Variants in NDST2 observed in about 807,000 individuals in gnomAD.
NDST2 encodes the protein N-deacetylase and N-sulfotransferase 2.
In NDST2, 32 loss-of-function variants were observed where a neutral mutation model predicts 86.9. The observed-to-expected ratio is 0.37, with a 90% CI of 0.28 to 0.49. The LOEUF is 0.49. Ranked by LOEUF, NDST2 falls within the 20% of genes least tolerant of loss-of-function variation. The pLI is 0.97. For synonymous variants in NDST2, 409 were observed against 437.0 expected, an observed-to-expected ratio of 0.94 and a Z score of 0.80; for missense variants, 950 against 1,146.9, an observed-to-expected ratio of 0.83 and a Z score of 2.48.
At chr10:73,805,541 AC>A in intron 8 of NDST2, 45 bp downstream of exon 8, 7 of 1,581,136 alleles carry the variant, frequency 4.4e-6, no homozygotes, top group Non-Finnish European at 6.1e-6. Flanking sequence ...AACAAAAAAC[AC>A]CCCACCCCTA....
At position 73,808,588 on chromosome 10, in the gene NDST2, A is replaced by G. The variant is rs866221307; in HGVS notation, c.-200T>C. The G allele has an allele frequency of 3.8e-4, 221 of 577,976 alleles. No individual in the cohort carries two copies. The highest frequency in any genetic ancestry group is 3.7e-3 in the Middle Eastern group (8 of 2,168). 35.8% of individuals were successfully genotyped at this position (577,976 alleles called of 1,614,324 possible). The stretch of plus-strand genomic sequence containing the variant: ...GAGGTAGAAGGGGAAGCAGGGGGCA[A>G]CTATACAGAGTCCACTTGTCTCAGG... On this transcript the variant is annotated 5_prime_UTR_variant, in exon 3 of 15. Transcript: ENST00000309979. This position sits in a 1 kb window ranked among gnomAD's most constrained non-coding sequence, Gnocchi z 4.3.
Position 73,807,786 on chromosome 10 carries a change from T to C in NDST2, c.603A>G (p.Gln201=). ...GCAGTAGCGGGGCAGAAGGATTCACTTGGTAGTCCCGGAGCCCCAAGTTTG... is the reference window on the plus strand; with the variant it reads ...GCAGTAGCGGGGCAGAAGGATTCACCTGGTAGTCCCGGAGCCCCAAGTTTG... ...LHSNLGLRDY[Q]VNPSAPLLHL... is the part of the protein sequence containing the mutation. The change falls in exon 3 of 15, where the codon CAA becomes CAG. Residue 201 remains glutamine (Q), a synonymous_variant. Coordinates refer to ENST00000309979, the MANE Select transcript of NDST2 (RefSeq NM_003635.4). 1 of 1,614,166 alleles carries C rather than the reference T, an allele frequency of 6.2e-7. No individual in the cohort carries two copies. The highest frequency in any genetic ancestry group is 8.5e-7 in the Non-Finnish European group (1 of 1,180,022).
At position 73,802,335 on chromosome 10, in the gene NDST2, G is replaced by T; in HGVS notation, c.*116C>A. The stretch of plus-strand genomic sequence containing the variant: ...CCTTCTCAGCCATCTCAGGCCTGGG[G>T]GCTACTGAGGTAGAGGGGGAGGGGC... On this transcript the variant is annotated 3_prime_UTR_variant, in exon 15 of 15. Transcript: ENST00000309979. 1 of 1,116,448 alleles carries T rather than the reference G, an allele frequency of 9.0e-7. No individual in the cohort carries two copies. The highest frequency in any genetic ancestry group is 1.3e-6 in the Non-Finnish European group (1 of 775,562). 69.2% of individuals were successfully genotyped at this position (1,116,448 alleles called of 1,614,324 possible). A position where few individuals can be genotyped will look rare whatever the true frequency, so the allele number is the denominator to read the frequency against.
intron 10 of NDST2, 44 bp downstream of exon 10, chr10:73,803,849 G>C (rs775508146): frequency 1.2e-6 from 2 of 1,614,024 alleles, no homozygotes; most frequent in East Asian, 2.2e-5. Flanking sequence ...TTTGGGGGAA[G>C]GGAGTGTTCC....
Position 73,804,799 on chromosome 10 carries a change from A to G in NDST2, c.1817T>C (p.Phe606Ser), listed in dbSNP as rs1214891288. ...KEKTCDRLPKFLIVGPQKTGT... is the reference protein window; with the variant it reads ...KEKTCDRLPKSLIVGPQKTGT... ...TGTTTTCTGGGGTCCCACAATGAGG[A>G]ACTTCGGGAGACGATCACAGGTTTT... Residue 606 changes from phenylalanine to serine, a missense_variant, in exon 9 of 15, where the codon TTC (phenylalanine) becomes TCC (serine). Around this residue, in one of 5 missense-constraint regions of NDST2, gnomAD observed 17 missense variants for 40.1 expected, o/e 0.42. Coordinates refer to ENST00000309979, the MANE Select transcript of NDST2 (RefSeq NM_003635.4). 6.2e-7 allele frequency: 1 copy of G among 1,613,278 alleles called. No homozygotes were observed. Among genetic ancestry groups the G allele is most frequent in the Non-Finnish European group, 8.5e-7 (1 of 1,179,586 alleles).
rs1214564202 is a variant in NDST2 at position 73,803,369 on chromosome 10, A to G, written c.2143-10T>C. 3.7e-6 allele frequency: 6 copies of G among 1,613,976 alleles called. No individual in the cohort carries two copies. Among genetic ancestry groups the G allele is most frequent in the Non-Finnish European group, 5.1e-6 (6 of 1,179,958 alleles). On this transcript the variant is annotated splice_polypyrimidine_tract_variant and intron_variant, in intron 11 of 14. Transcript: ENST00000309979. ...CATGGGCTCGCTGATGCTGAAGGAC[A>G]AAGAGAAGGAAGGTGAAGGACTGGT...
Position 73,803,070 on chromosome 10 carries a change from C to T in NDST2, c.2325G>A (p.Val775=). The change falls in exon 13 of 15, where the codon GTG becomes GTA. Residue 775 remains valine, a synonymous_variant. Coordinates refer to ENST00000309979, the MANE Select transcript of NDST2 (RefSeq NM_003635.4). The part of the protein sequence containing the change: ...TYYPSGQLLI[V]DGQELRTNPA... ...GGTTGGTACGCAGCTCTTGCCCATC[C>T]ACAATCAGCAACTAAAAGGACAGGG... 6.2e-7 allele frequency: 1 copy of T among 1,614,234 alleles called. No individual in the cohort carries two copies. The highest frequency in any genetic ancestry group is 1.7e-5 in the Admixed American group (1 of 60,024).
Position 73,806,823 on chromosome 10 carries a change from C to A in NDST2, c.1094-12G>T. 3.7e-6 allele frequency: 6 copies of A among 1,611,054 alleles called. No individual in the cohort carries two copies. The highest frequency in any genetic ancestry group is 4.2e-6 in the Non-Finnish European group (5 of 1,177,464). ...CTCCTCCTCTGTCCCTATGACCACA[C>A]GCTGACCACTGACCACAGCCAGTCA... On this transcript the variant is annotated splice_polypyrimidine_tract_variant and intron_variant, in intron 4 of 14. Transcript: ENST00000309979. This position sits in a 1 kb window ranked among gnomAD's most constrained non-coding sequence, Gnocchi z 4.5.
rs1480677421 is a variant in NDST2, at chr10:73,803,378, G to T, written c.2143-19C>A. 1 of 1,613,868 alleles carries T rather than the reference G, an allele frequency of 6.2e-7. No homozygotes were observed. Among genetic ancestry groups the T allele is most frequent in the African/African-American group, 1.3e-5 (1 of 74,924 alleles). ...GCTGATGCTGAAGGACAAAGAGAAGGAAGGTGAAGGACTGGTGATTTGACA... is the reference window on the plus strand; with the variant it reads ...GCTGATGCTGAAGGACAAAGAGAAGTAAGGTGAAGGACTGGTGATTTGACA... On this transcript the variant is annotated intron_variant, in intron 11 of 14. Coordinates refer to ENST00000309979, the MANE Select transcript of NDST2 (RefSeq NM_003635.4).
In NDST2 at chr10:73,803,873, C is replaced by G; in HGVS notation, c.1967+20G>C. 2 of 1,614,080 alleles carry G rather than the reference C, an allele frequency of 1.2e-6. No homozygotes were observed. The highest frequency in any genetic ancestry group is 8.5e-7 in the Non-Finnish European group (1 of 1,180,002). On this transcript the variant is annotated intron_variant, in intron 10 of 14. Coordinates refer to ENST00000309979, the MANE Select transcript of NDST2 (RefSeq NM_003635.4). ...AGGGAGTGTTCCTCTGAGAAACATT[C>G]AAATGGGGCCCAGTCTCACCAGTCA...
At chr10:73,802,635 G>C in intron 14 of NDST2, 39 bp downstream of exon 14, 1 of 1,614,088 alleles carries the variant, frequency 6.2e-7, no homozygotes. Flanking sequence ...TCAGATCCTG[G>C]AAGTGGAGAG....
chr10:73,804,880 G>A lies in NDST2; in HGVS notation c.1747-11C>T, dbSNP rs2084070649. On this transcript the variant is annotated splice_polypyrimidine_tract_variant and intron_variant, in intron 8 of 14. Coordinates refer to ENST00000309979, the MANE Select transcript of NDST2 (RefSeq NM_003635.4). ...GTCATCACAGGGATTCTGAAGCCAG[G>A]GCCAATAATCAGATAAGGCCTATTT... 7 of 1,574,102 alleles carry A rather than the reference G, an allele frequency of 4.4e-6. No individual in the cohort carries two copies. The East Asian group carries it at 9.0e-5, about 20-fold the overall frequency.
In NDST2 at chr10:73,806,829, C is replaced by T. The variant is rs770082380; in HGVS notation, c.1094-18G>A. 67 of 1,609,210 alleles carry T rather than the reference C, an allele frequency of 4.2e-5. No individual in the cohort carries two copies. The highest frequency in any genetic ancestry group is 5.2e-5 in the Non-Finnish European group (61 of 1,176,074). ...CTCTGTCCCTATGACCACACGCTGA[C>T]CACTGACCACAGCCAGTCAGCCCCT... On this transcript the variant is annotated intron_variant, in intron 4 of 14. Transcript: ENST00000309979. This position sits in a 1 kb window ranked among gnomAD's most constrained non-coding sequence, Gnocchi z 4.5.
rs1177868040 is a variant in NDST2 at position 73,802,437 on chromosome 10, G to C, written c.*14C>G. 1 of 1,612,172 alleles carries C rather than the reference G, an allele frequency of 6.2e-7. No homozygotes were observed. Among genetic ancestry groups the C allele is most frequent in the African/African-American group, 1.3e-5 (1 of 74,876 alleles). ...GAAGCAGGGGGCATTTTGCTGGTAT[G>C]GGAGGCTGGGACATCAGCCCAGACT... is the stretch of plus-strand genomic sequence containing the variant. On this transcript the variant is annotated 3_prime_UTR_variant, in exon 15 of 15. Transcript: ENST00000309979.
intron 9 of NDST2, 102 bp from the exon 10 acceptor site, chr10:73,804,118 G>A: frequency 7.0e-7 from 1 of 1,431,672 alleles, no homozygotes; most frequent in South Asian, 1.3e-5. Context: ...ACTCTGGGTA[G>A]GAAAATCCCC....
rs1164250634 is a variant in NDST2 at position 73,807,928 on chromosome 10, C to T, written c.461G>A (p.Arg154Gln). 17 of 1,614,100 alleles carry T rather than the reference C, an allele frequency of 1.1e-5. No individual in the cohort carries two copies. The highest frequency in any genetic ancestry group is 1.2e-5 in the Non-Finnish European group (14 of 1,180,048). Residue 154 changes from arginine to glutamine, a missense_variant, in exon 3 of 15, where the codon CGG (arginine) becomes CAG (glutamine). Physicochemically the swap from Arg to Gln is conservative, Grantham distance 43. Around this residue, in one of 5 missense-constraint regions of NDST2, gnomAD observed 586 missense variants for 714.0 expected, o/e 0.82. Transcript: ENST00000309979. ...CACGCAGTACCGGTCTAGCAGTTCC[C>T]GACTCCAGGCATCCAGGTTGACATA... ...LKYVNLDAWSRELLDRYCVEY... is the reference protein window; with the variant it reads ...LKYVNLDAWSQELLDRYCVEY...
chr10:73,802,409 A>G lies in NDST2; in HGVS notation c.*42T>C, dbSNP rs200470463. 148 of 1,610,446 alleles carry G rather than the reference A, an allele frequency of 9.2e-5. No homozygotes were observed. Among genetic ancestry groups the G allele is most frequent in the African/African-American group, 1.3e-5 (1 of 74,970 alleles). Reference sequence around the variant, plus strand: ...GGGCCCTGCTCTGGACCTGCCCCTTAGGGAAGCAGGGGGCATTTTGCTGGT... The same window carrying G: ...GGGCCCTGCTCTGGACCTGCCCCTTGGGGAAGCAGGGGGCATTTTGCTGGT... On this transcript the variant is annotated 3_prime_UTR_variant, in exon 15 of 15. Coordinates refer to ENST00000309979, the MANE Select transcript of NDST2 (RefSeq NM_003635.4).
In NDST2 at chr10:73,802,391, G is replaced by T; in HGVS notation, c.*60C>A. ...CACTCTAATCCCCCTTGTGGGCCCT[G>T]CTCTGGACCTGCCCCTTAGGGAAGC... On this transcript the variant is annotated 3_prime_UTR_variant, in exon 15 of 15. Transcript: ENST00000309979. The T allele has an allele frequency of 2.5e-6, 4 of 1,604,672 alleles. No homozygotes were observed. The highest frequency in any genetic ancestry group is 3.4e-6 in the Non-Finnish European group (4 of 1,175,532).
Position 73,807,928 on chromosome 10 carries a change from C to G in NDST2, c.461G>C (p.Arg154Pro). The G allele has an allele frequency of 1.2e-6, 2 of 1,614,218 alleles. No homozygotes were observed. The highest frequency in any genetic ancestry group is 1.7e-6 in the Non-Finnish European group (2 of 1,180,040). ...LKYVNLDAWS[R>P]ELLDRYCVEY... is the part of the protein sequence containing the mutation. ...CACGCAGTACCGGTCTAGCAGTTCC[C>G]GACTCCAGGCATCCAGGTTGACATA... The change falls in exon 3 of 15, where the codon CGG becomes CCG. Residue 154 changes from arginine (R) to proline (P), a missense_variant. Around this residue, in one of 5 missense-constraint regions of NDST2, gnomAD observed 586 missense variants for 714.0 expected, o/e 0.82. Coordinates refer to ENST00000309979, the MANE Select transcript of NDST2 (RefSeq NM_003635.4).
Sources: gnomAD v4.1 joint callset for allele counts on GRCh38, gnomAD v4.1.1 for gene constraint, gnomAD v4.1.1 regional missense constraint, Gnocchi (gnomAD v3.1) non-coding constraint, MANE v1.5 for transcripts, NCBI Gene and HGNC (gene_info 2026-07-23, HGNC 2026-07-21) for gene names.